Variants in NPAS2 observed in about 807,000 individuals in gnomAD.
The protein encoded by NPAS2 is neuronal PAS domain protein 2.
NPAS2 carries 23 observed loss-of-function variants against 107.5 expected under a neutral mutation model. That is an observed-to-expected ratio of 0.21 (90% CI 0.15 to 0.30). The LOEUF (loss-of-function observed/expected upper bound fraction) is 0.30, where lower values mean the gene tolerates loss of function less well. NPAS2 is among the 10% of genes least tolerant of loss of function. The pLI, the probability that NPAS2 is intolerant of heterozygous loss-of-function variation, is 1.00. For synonymous variants in NPAS2, 403 were observed against 417.5 expected, an observed-to-expected ratio of 0.97 and a Z score of 0.42; for missense variants, 756 against 1,043.3, an observed-to-expected ratio of 0.72 and a Z score of 3.79.
At chr2:100,849,846 A>G (rs1678034036) in intron 1 of NPAS2, among the ~76,000 whole-genome samples, 1 of 152,108 alleles carries the variant, frequency 6.6e-6, no homozygotes, top group Admixed American at 6.5e-5. Flanking sequence ...GATGTTGGCT[A>G]AAAGAGACAT....
chr2:100,953,178 C>A, intron 7 of NPAS2, among the ~76,000 whole-genome samples: 1 of 133,600 alleles, frequency 7.5e-6, no homozygotes, highest in Non-Finnish European at 1.7e-5. Flanking sequence ...AGTTTGAAAC[C>A]AGCCTGGCCA....
At chr2:100,830,553 A>G (rs550131460) in intron 1 of NPAS2, among the ~76,000 whole-genome samples, 118 of 144,038 alleles carry the variant, frequency 8.2e-4, no homozygotes, top group Non-Finnish European at 8.9e-5. Flanking sequence ...GTTCCCACCT[A>G]TGAGTGAGAA....
chr2:100,959,988 T>C (rs1675825940), intron 7 of NPAS2, among the ~76,000 whole-genome samples: 1 of 152,206 alleles, frequency 6.6e-6, no homozygotes, highest in South Asian at 2.1e-4. Context: ...TTGAAAAAAG[T>C]TCTCTACCAC....
At chr2:100,910,059 G>C (rs1682444981) in intron 2 of NPAS2, among the ~76,000 whole-genome samples, 1 of 152,136 alleles carries the variant, frequency 6.6e-6, no homozygotes, top group Non-Finnish European at 1.5e-5. Flanking sequence ...CTTCGTTCAA[G>C]GAGATCCAGA....
rs765055421 is a variant in NPAS2, at chr2:100,964,855, A to C, written c.718-6A>C. On this transcript the variant is annotated splice_region_variant and splice_polypyrimidine_tract_variant and intron_variant, in intron 8 of 20. Transcript: ENST00000335681. ...AACTTTTTTTTTTTTTCTGCTTCCA[A>C]TACAGGAAATGTGCATAGTTGACGA... 6.4e-7 allele frequency: 1 copy of C among 1,570,498 alleles called. No homozygotes were observed.
At chr2:100,824,184 T>C (rs1245001929) in intron 1 of NPAS2, among the ~76,000 whole-genome samples, 1 of 152,136 alleles carries the variant, frequency 6.6e-6, no homozygotes, top group African/African-American at 2.4e-5. Context: ...GTTCACCAAT[T>C]AGAGATTCAA....
chr2:100,938,842 C>T (rs747210402), intron 5 of NPAS2, among the ~76,000 whole-genome samples: 30 of 151,710 alleles, frequency 2.0e-4, no homozygotes, highest in Non-Finnish European at 3.1e-4. Flanking sequence ...AAGAAAAAAA[C>T]GTCCTCTCTC....
At chr2:100,985,186 T>C (rs1677710330) in intron 16 of NPAS2, 1 of 152,344 alleles carries the variant, frequency 6.6e-6, no homozygotes, top group Non-Finnish European at 1.5e-5. Context: ...CCTTCCTTCC[T>C]TCCATCCAGC....
Position 100,965,859 on chromosome 2 carries a change from C to A in NPAS2, c.907+93C>A. On this transcript the variant is annotated intron_variant, in intron 10 of 20. Coordinates refer to ENST00000335681, the MANE Select transcript of NPAS2 (RefSeq NM_002518.4). The surrounding 1 kb of genome is among the most constrained non-coding windows in gnomAD (Gnocchi z 4.3). ...CTCTGGGACTCCAGAAGCCTCTGCTCGTTACCTGGTTTCTTTTTAAGGTGA... is the reference window on the plus strand; with the variant it reads ...CTCTGGGACTCCAGAAGCCTCTGCTAGTTACCTGGTTTCTTTTTAAGGTGA... The A allele has an allele frequency of 1.3e-6, 1 of 772,752 alleles. No homozygotes were observed. Among genetic ancestry groups the A allele is most frequent in the South Asian group, 1.6e-5 (1 of 61,196 alleles). 47.9% of individuals were successfully genotyped at this position (772,752 alleles called of 1,614,324 possible).
At chr2:100,907,489 A>AAC (rs55951417) in intron 2 of NPAS2, among the ~76,000 whole-genome samples, 32,094 of 144,312 alleles carry the variant, frequency 0.22, 5,371 homozygotes, top group African/African-American at 0.48. Context: ...AACACTTGGG[A>AAC]ACACACACAC....
chr2:100,842,081 G>GCGCGCGCGCGCGCACA, intron 1 of NPAS2, among the ~76,000 whole-genome samples: 129 of 148,902 alleles, frequency 8.7e-4, no homozygotes, highest in African/African-American at 3.0e-3. Flanking sequence ...GCATGTACGC[G>GCGCGCGCGCGCGCACA]CACACACACA....
intron 16 of NPAS2, 34 bp from the exon 17 acceptor site, chr2:100,988,045 C>T: frequency 1.9e-6 from 3 of 1,607,126 alleles, no homozygotes; most frequent in Admixed American, 1.7e-5. Flanking sequence ...TACCCATGAC[C>T]CCAACTTCAC....
intron 1 of NPAS2, among the ~76,000 whole-genome samples, chr2:100,854,061 G>T (rs529602740): frequency 6.8e-6 from 1 of 146,784 alleles, no homozygotes; most frequent in Non-Finnish European, 1.5e-5. Flanking sequence ...GAGGTTGGGA[G>T]ATCAGTTGAG....
At chr2:100,974,721 G>C in intron 12 of NPAS2, 82 bp from the exon 13 acceptor site, 2 of 1,465,372 alleles carry the variant, frequency 1.4e-6, no homozygotes, top group South Asian at 2.6e-5. Flanking sequence ...TGAGGTTGTC[G>C]ACATATTTAG....
chr2:100,928,881 C>T (rs1427125136), intron 3 of NPAS2, among the ~76,000 whole-genome samples: 1 of 152,184 alleles, frequency 6.6e-6, no homozygotes, highest in East Asian at 1.9e-4. Flanking sequence ...ACAGGAACTC[C>T]TCTACATAGA....
intron 1 of NPAS2, among the ~76,000 whole-genome samples, chr2:100,872,359 A>G (rs1679635857): frequency 6.6e-6 from 1 of 152,218 alleles, no homozygotes; most frequent in Non-Finnish European, 1.5e-5. Flanking sequence ...ATGAGATAAT[A>G]TATTTTAAAC....
intron 5 of NPAS2, among the ~76,000 whole-genome samples, chr2:100,945,256 T>C (rs1332740982): frequency 6.6e-6 from 1 of 152,098 alleles, no homozygotes; most frequent in Non-Finnish European, 1.5e-5. Context: ...CACCAAGCTG[T>C]GTCCACTGTC....
chr2:100,847,678 T>C (rs572841357), intron 1 of NPAS2, among the ~76,000 whole-genome samples: 83 of 152,302 alleles, frequency 5.4e-4, no homozygotes, highest in African/African-American at 1.9e-3. Context: ...CCATAAATAC[T>C]TTTTTTATAA....
At chr2:100,988,418 G>A in intron 17 of NPAS2, 142 bp downstream of exon 17, 1 of 684,870 alleles carries the variant, frequency 1.5e-6, no homozygotes, top group Admixed American at 2.9e-5. Flanking sequence ...AGATTTGGGA[G>A]TGAGCCTTCT....
Sources: allele counts gnomAD v4.1 joint callset (sites outside exome capture counted in the v4.1 genomes callset), GRCh38; gene constraint gnomAD v4.1.1; non-coding constraint Gnocchi (gnomAD v3.1); transcripts MANE v1.5; gene names NCBI Gene and HGNC (gene_info 2026-07-23, HGNC 2026-07-21).